Variants in GSTO2 observed in about 807,000 individuals in gnomAD.
GSTO2 encodes the protein glutathione S-transferase omega-2.
In GSTO2, 23 loss-of-function variants were observed where a neutral mutation model predicts 28.4. The ratio of observed to expected loss-of-function variants is 0.81; its 90% CI spans 0.58 to 1.15. The LOEUF is 1.15. GSTO2 is among the 50% of genes most tolerant of loss of function. GSTO2 has a pLI of 0.00. For synonymous variants in GSTO2, 109 were observed against 111.0 expected, an observed-to-expected ratio of 0.98 and a Z score of 0.11; for missense variants, 298 against 297.8, an observed-to-expected ratio of 1.00 and a Z score of 0.00.
intron 5 of GSTO2, chr10:104,297,353 C>T (rs967405686): frequency 1.3e-5 from 5 of 388,190 alleles, no homozygotes; most frequent in African/African-American, 1.0e-4. Context: ...CACTGTCACT[C>T]TAGTGTTGAA....
chr10:104,281,023 T>C (rs2012005844), intron 5 of GSTO2, among the ~76,000 whole-genome samples: 1 of 152,228 alleles, frequency 6.6e-6, no homozygotes, highest in Admixed American at 6.5e-5. Context: ...GGCTTGGCTT[T>C]ACTGAATTCC....
intron 5 of GSTO2, chr10:104,288,618 A>G (rs1324482704): frequency 6.6e-6 from 1 of 152,158 alleles, no homozygotes; most frequent in Non-Finnish European, 1.5e-5. Context: ...CTTAATGCAT[A>G]TTTCTTTGAT....
In GSTO2 at chr10:104,274,874, G is replaced by A; in HGVS notation, c.-42G>A. The A allele has an allele frequency of 1.3e-6, 2 of 1,594,974 alleles. No homozygotes were observed. The highest frequency in any genetic ancestry group is 2.3e-5 in the South Asian group (2 of 88,144). ...GGCAGCGGTGGCGAGCCACAGGGCG[G>A]CGACCGTGAGCTCCGGGAGCTGCGC... On this transcript the variant is annotated 5_prime_UTR_variant, in exon 2 of 7. Coordinates refer to ENST00000338595, the MANE Select transcript of GSTO2 (RefSeq NM_183239.2).
chr10:104,279,950 C>T (rs1386314796), intron 5 of GSTO2, among the ~76,000 whole-genome samples: 1 of 151,968 alleles, frequency 6.6e-6, no homozygotes, highest in Non-Finnish European at 1.5e-5. Flanking sequence ...ATCACTTGAG[C>T]CTAGAAGTTT....
At chr10:104,288,001 C>CCT (rs1348548779) in intron 5 of GSTO2, among the ~76,000 whole-genome samples, 1 of 150,850 alleles carries the variant, frequency 6.6e-6, no homozygotes, top group African/African-American at 2.4e-5. Flanking sequence ...CATTCTCCTG[C>CCT]CTCAGCCTCC....
In GSTO2 at chr10:104,278,085, G is replaced by C; in HGVS notation, c.335G>C (p.Arg112Pro). The C allele has an allele frequency of 6.2e-7, 1 of 1,613,968 alleles. No homozygotes were observed. The highest frequency in any genetic ancestry group is 8.5e-7 in the Non-Finnish European group (1 of 1,179,906). The change falls in exon 4 of 7, where the codon CGC becomes CCC. Residue 112 changes from arginine (R) to proline (P), a missense_variant. Physicochemically the swap from Arg to Pro is moderately radical, Grantham distance 103 (BLOSUM62 -2). Coordinates refer to ENST00000338595, the MANE Select transcript of GSTO2 (RefSeq NM_183239.2). ...LFPYDPYERARQKMLLELFCK... is the reference protein window; with the variant it reads ...LFPYDPYERAPQKMLLELFCK... ...CCATATGACCCTTATGAACGAGCTCGCCAAAAGATGTTATTGGAGCTATTT... is the reference window on the plus strand; with the variant it reads ...CCATATGACCCTTATGAACGAGCTCCCCAAAAGATGTTATTGGAGCTATTT...
At position 104,299,324 on chromosome 10, in the gene GSTO2, C is replaced by T; in HGVS notation, c.*40C>T. The T allele has an allele frequency of 6.2e-7, 1 of 1,610,196 alleles. No individual in the cohort carries two copies. Among genetic ancestry groups the T allele is most frequent in the East Asian group, 2.2e-5 (1 of 44,826 alleles). On this transcript the variant is annotated 3_prime_UTR_variant, in exon 7 of 7. Coordinates refer to ENST00000338595, the MANE Select transcript of GSTO2 (RefSeq NM_183239.2). ...CCCTTCGCTGTCCAGAATTCCCCAGCTTGTTGGGAGTCTACGTCACGGCTT... is the reference window on the plus strand; with the variant it reads ...CCCTTCGCTGTCCAGAATTCCCCAGTTTGTTGGGAGTCTACGTCACGGCTT...
intron 5 of GSTO2, among the ~76,000 whole-genome samples, chr10:104,286,554 T>C (rs1178709480): frequency 1.3e-5 from 2 of 152,208 alleles, no homozygotes; most frequent in Non-Finnish European, 2.9e-5. Flanking sequence ...GAATATACGT[T>C]GTTATTTCTC....
At chr10:104,296,613 TAAAAAAAA>T (rs11347549) in intron 5 of GSTO2, 6 of 66,522 alleles carry the variant, frequency 9.0e-5, no homozygotes, top group Non-Finnish European at 1.4e-4. Context: ...AGACCCTATC[TAAAAAAAA>T]AAAAAAAAAA....
rs1364732477 is a variant in GSTO2, at chr10:104,299,148, C to G, written c.596C>G (p.Ala199Gly). 2 of 1,614,070 alleles carry G rather than the reference C, an allele frequency of 1.2e-6. No individual in the cohort carries two copies. The highest frequency in any genetic ancestry group is 1.3e-5 in the African/African-American group (1 of 75,052). The change falls in exon 7 of 7, where the codon GCC (alanine) becomes GGC (glycine). Residue 199 changes from alanine to glycine, a missense_variant. Transcript: ENST00000338595. ...GILDCVSHTP[A>G]LRLWISAMKW... Reference sequence around the variant, plus strand: ...TGCAGCTGTGTGAGCCACACGCCAGCCCTGCGGCTCTGGATATCAGCCATG... The same window carrying G: ...TGCAGCTGTGTGAGCCACACGCCAGGCCTGCGGCTCTGGATATCAGCCATG...
At chr10:104,287,645 T>A (rs527992060) in intron 5 of GSTO2, among the ~76,000 whole-genome samples, 2 of 152,086 alleles carry the variant, frequency 1.3e-5, no homozygotes, top group Non-Finnish European at 2.9e-5. Context: ...CATGCAGGTG[T>A]GCACATACAT....
chr10:104,293,563 A>ATTTTTTTTTTTTTTT (rs397787244), intron 5 of GSTO2, among the ~76,000 whole-genome samples: 870 of 81,560 alleles, frequency 0.011, 140 homozygotes, highest in African/African-American at 0.04. Context: ...CGCCTGGCCA[A>ATTTTTTTTTTTTTTT]TTTTTTTTTT....
At position 104,301,333 on chromosome 10, in the gene GSTO2, G is replaced by A; in HGVS notation, c.*2049G>A. On this transcript the variant is annotated 3_prime_UTR_variant, in exon 7 of 7. Coordinates refer to ENST00000338595, the MANE Select transcript of GSTO2 (RefSeq NM_183239.2). ...AAAGCTTGAAGAACCAGGAATTATA[G>A]AATGGAGAAAAGCACTCATGGGGGA... is the stretch of plus-strand genomic sequence containing the variant. 1 of 152,232 alleles carries A rather than the reference G, an allele frequency of 6.6e-6. No homozygotes were observed. Among genetic ancestry groups the A allele is most frequent in the East Asian group, 1.9e-4 (1 of 5,196 alleles). 9.4% of individuals were successfully genotyped at this position (152,232 alleles called of 1,614,324 possible).
rs2013316185 is a variant in GSTO2, at chr10:104,303,371, T to G, written c.*4087T>G. 1 of 152,204 alleles carries G rather than the reference T, an allele frequency of 6.6e-6. No individual in the cohort carries two copies. The highest frequency in any genetic ancestry group is 2.1e-4 in the South Asian group (1 of 4,826). 9.4% of individuals were successfully genotyped at this position (152,204 alleles called of 1,614,324 possible). A position where few individuals can be genotyped will look rare whatever the true frequency, so the allele number is the denominator to read the frequency against. On this transcript the variant is annotated 3_prime_UTR_variant, in exon 7 of 7. Coordinates refer to ENST00000338595, the MANE Select transcript of GSTO2 (RefSeq NM_183239.2). ...GGAGCAAAGGTCACTTTTGTTATGC[T>G]TTAGCAAAGAACTTGGCTGCATTGT...
At chr10:104,275,178 G>T in intron 2 of GSTO2, 48 bp from the exon 3 acceptor site, 1 of 1,561,960 alleles carries the variant, frequency 6.4e-7, no homozygotes, top group Non-Finnish European at 8.7e-7. Flanking sequence ...TCCTCACCGG[G>T]CTGACTAGCC....
chr10:104,273,440 ATG>A (rs2011503676), intron 1 of GSTO2, among the ~76,000 whole-genome samples: 1 of 152,250 alleles, frequency 6.6e-6, no homozygotes, highest in Admixed American at 6.5e-5. Context: ...ACAGCAAAAA[ATG>A]TAGTTGAGTC....
intron 1 of GSTO2, among the ~76,000 whole-genome samples, chr10:104,273,236 T>C (rs2011494951): frequency 1.3e-5 from 2 of 152,180 alleles, no homozygotes; most frequent in Admixed American, 6.5e-5. Flanking sequence ...CTCTGTCTTC[T>C]TAAATGAAAA....
chr10:104,288,824 T>C lies in GSTO2; in HGVS notation c.469-8754T>C, dbSNP rs1463433054. ...ATTTGACTGGTTTTAAAACACATTTTTGTTTTCTTTTGACTTTTAATTTGG... is the reference window on the plus strand; with the variant it reads ...ATTTGACTGGTTTTAAAACACATTTCTGTTTTCTTTTGACTTTTAATTTGG... On this transcript the variant is annotated intron_variant, in intron 5 of 6. Transcript: ENST00000338595. Among the ~76,000 whole-genome samples the C allele has an allele frequency of 2.0e-5, 3 of 152,346 alleles. No homozygotes were observed. In the South Asian group the frequency reaches 6.2e-4, roughly 32 times the overall value.
intron 5 of GSTO2, among the ~76,000 whole-genome samples, chr10:104,293,680 T>A (rs1403341119): frequency 3.3e-5 from 5 of 150,738 alleles, no homozygotes; most frequent in Non-Finnish European, 7.4e-5. Flanking sequence ...CTCAGCCTCC[T>A]TAGTAGCTAG....
Sources: gnomAD v4.1 joint callset for allele counts (sites outside exome capture counted in the v4.1 genomes callset) on GRCh38, gnomAD v4.1.1 for gene constraint, MANE v1.5 for transcripts, NCBI Gene and HGNC (gene_info 2026-07-23, HGNC 2026-07-21) for gene names.